The following MMS19 variants were observed in gnomAD, a reference collection of about 807,000 sequenced individuals.
MMS19 encodes MMS19 nucleotide excision repair protein homolog.
MMS19 carries 77 observed loss-of-function variants against 129.8 expected under a neutral mutation model. That is an observed-to-expected ratio of 0.59 (90% CI 0.49 to 0.72). The LOEUF is 0.72. Among genes scored for constraint, MMS19 ranks in the 30% least tolerant of loss-of-function variants. The probability of loss-of-function intolerance (pLI) is 0.00; values close to 1 mark genes in which losing one functional copy is unlikely to be tolerated. For synonymous variants in MMS19, 491 were observed against 502.8 expected (o/e 0.98, Z 0.31); for missense variants, 1,168 against 1,266.3 (o/e 0.92, Z 1.18).
intron 2 of MMS19, among the ~76,000 whole-genome samples, chr10:97,483,449 CTT>C (rs1470074535): frequency 6.6e-6 from 1 of 152,106 alleles, no homozygotes; most frequent in Non-Finnish European, 1.5e-5. Flanking sequence ...GTAACAGTGA[CTT>C]TGTTTTTTAA....
intron 2 of MMS19, among the ~76,000 whole-genome samples, chr10:97,482,749 C>T (rs1169008138): frequency 6.7e-6 from 1 of 149,440 alleles, no homozygotes; most frequent in Non-Finnish European, 1.5e-5. Context: ...CACACACACA[C>T]ACACACACAC....
Position 97,458,445 on chromosome 10 carries a change from G to C in MMS19, c.*247C>G, listed in dbSNP as rs928206396. ...ATCGCCCCTTTTCTGACATATAAAT[G>C]CAAGAGACCCAGGACCCTAGATCTT... On this transcript the variant is annotated 3_prime_UTR_variant, in exon 31 of 31. Coordinates refer to ENST00000438925, the MANE Select transcript of MMS19 (RefSeq NM_022362.5). 2.0e-6 allele frequency: 1 copy of C among 505,314 alleles called. No homozygotes were observed. Among genetic ancestry groups the C allele is most frequent in the Non-Finnish European group, 3.5e-6 (1 of 286,436 alleles). The allele number at this position is 505,314 out of a possible 1,614,324, so 31.3% of individuals were successfully genotyped here.
chr10:97,484,173 A>AAT, intron 1 of MMS19, 22 bp from the exon 2 acceptor site: 1 of 1,429,434 alleles, frequency 7.0e-7, no homozygotes, highest in Non-Finnish European at 9.4e-7. Context: ...AAAATAAATA[A>AAT]ATATGAAAAA....
intron 9 of MMS19, 149 bp from the exon 10 acceptor site, chr10:97,470,352 T>C (rs769125915): frequency 3.1e-6 from 2 of 655,082 alleles, no homozygotes; most frequent in Non-Finnish European, 5.5e-6. Flanking sequence ...AAGCTAACCT[T>C]CCTGCCAAGC....
chr10:97,490,884 GA>G (rs1033377009), intron 1 of MMS19, among the ~76,000 whole-genome samples: 1 of 152,182 alleles, frequency 6.6e-6, no homozygotes, highest in African/African-American at 2.4e-5. Context: ...CAGCTCCTGA[GA>G]AAGAGCCAAG....
intron 1 of MMS19, among the ~76,000 whole-genome samples, chr10:97,491,313 A>G (rs2038842304): frequency 6.6e-6 from 1 of 152,242 alleles, no homozygotes; most frequent in Non-Finnish European, 1.5e-5. Flanking sequence ...GAAGGCTCTA[A>G]GACAAGAAGT....
Position 97,459,520 on chromosome 10 carries a change from A to G in MMS19, c.2746T>C (p.Ser916Pro), listed in dbSNP as rs776688898. The change falls in exon 28 of 31, where the codon TCC becomes CCC. Residue 916 changes from serine to proline, a missense_variant. By Grantham distance (74) the Ser-to-Pro change is moderately conservative (BLOSUM62 -1). Transcript: ENST00000438925. ...CAGGACAGGGCCTCCAGCAGCAAGG[A>G]AAGAAGCTAAGGGGCAATGGGCAAG... ...VLLPELPTLL[S>P]LLLEALSCPD... The G allele has an allele frequency of 1.2e-5, 19 of 1,612,370 alleles. No homozygotes were observed. The highest frequency in any genetic ancestry group is 1.6e-5 in the Non-Finnish European group (19 of 1,178,924).
intron 11 of MMS19, 100 bp downstream of exon 11, chr10:97,469,546 G>A (rs29001307): frequency 1.2e-4 from 112 of 932,922 alleles, no homozygotes; most frequent in Non-Finnish European, 1.7e-4. Flanking sequence ...TTATATCTTG[G>A]CCCTGGGGAT....
In MMS19 at chr10:97,461,636, G is replaced by A. The variant is rs770051647; in HGVS notation, c.2185-14C>T. 1 of 1,595,374 alleles carries A rather than the reference G, an allele frequency of 6.3e-7. No individual in the cohort carries two copies. The highest frequency in any genetic ancestry group is 8.5e-7 in the Non-Finnish European group (1 of 1,170,940). Reference sequence around the variant, plus strand: ...AGGGATTTCCACCTACAGAAAACCTGGCCATGTAATGGACCCAGAGAACAC... The same window carrying A: ...AGGGATTTCCACCTACAGAAAACCTAGCCATGTAATGGACCCAGAGAACAC... On this transcript the variant is annotated splice_polypyrimidine_tract_variant and intron_variant, in intron 22 of 30. Transcript: ENST00000438925.
At position 97,466,052 on chromosome 10, in the gene MMS19, C is replaced by G. The variant is rs549622478; in HGVS notation, c.1606+7G>C. The G allele has an allele frequency of 1.4e-5, 23 of 1,613,708 alleles. No homozygotes were observed. The Middle Eastern group carries it at 4.9e-4, about 35-fold the overall frequency. ...GGGATGGGCCACAGAGGATTAGAGA[C>G]ACATACCTACACGCAGCTCCTCAGC... On this transcript the variant is annotated splice_region_variant and intron_variant, in intron 17 of 30. Coordinates refer to ENST00000438925, the MANE Select transcript of MMS19 (RefSeq NM_022362.5).
At chr10:97,464,464 C>G in intron 18 of MMS19, among the ~76,000 whole-genome samples, 1 of 152,172 alleles carries the variant, frequency 6.6e-6, no homozygotes, top group East Asian at 1.9e-4. Context: ...ACAGGGCAGG[C>G]TGCTGTCACT....
intron 21 of MMS19, 39 bp from the exon 22 acceptor site, chr10:97,461,935 T>A (rs765787709): frequency 1.3e-6 from 2 of 1,579,026 alleles, no homozygotes; most frequent in South Asian, 1.2e-5. Context: ...CTGCCAGCAA[T>A]AAGCTTGTCT....
intron 1 of MMS19, among the ~76,000 whole-genome samples, chr10:97,486,865 A>G (rs1377542812): frequency 2.0e-5 from 1 of 50,304 alleles, no homozygotes; most frequent in Non-Finnish European, 4.0e-5. Flanking sequence ...AAAGTGCCAT[A>G]TATATATATA....
At position 97,498,291 on chromosome 10, in the gene MMS19, C is replaced by G; in HGVS notation, c.94G>C (p.Ala32Pro). ...GCCGTACCTGCAGCCACCTGGTCAG[C>G]GGGGCCCTCTTGCTGACCCACGACG... ...DFVVGQQEGPADQVAADVKSG... is the reference protein window; with the variant it reads ...DFVVGQQEGPPDQVAADVKSG... The change falls in exon 1 of 31, where the codon GCT (alanine) becomes CCT (proline). Residue 32 changes from alanine (A) to proline (P), a missense_variant. Physicochemically the swap from Ala to Pro is conservative, Grantham distance 27. Transcript: ENST00000438925. 3 of 1,569,186 alleles carry G rather than the reference C, an allele frequency of 1.9e-6. No individual in the cohort carries two copies. Among genetic ancestry groups the G allele is most frequent in the Non-Finnish European group, 2.6e-6 (3 of 1,164,674 alleles).
intron 1 of MMS19, among the ~76,000 whole-genome samples, chr10:97,486,910 A>G (rs1210306492): frequency 9.1e-6 from 1 of 109,998 alleles, no homozygotes; most frequent in African/African-American, 3.0e-5. Context: ...TAAGACAGGC[A>G]AGTTGTGAAA....
At chr10:97,480,698 G>GCCACC (rs2036634551) in intron 3 of MMS19, among the ~76,000 whole-genome samples, 1 of 152,138 alleles carries the variant, frequency 6.6e-6, no homozygotes, top group African/African-American at 2.4e-5. Context: ...TCCTGCCTCA[G>GCCACC]CCACCCAAGT....
At chr10:97,487,321 T>TTC (rs1445864744) in intron 1 of MMS19, among the ~76,000 whole-genome samples, 10 of 77,890 alleles carry the variant, frequency 1.3e-4, no homozygotes, top group African/African-American at 2.0e-4. Flanking sequence ...AAAATTTCTT[T>TTC]TTTTTTTTTT....
chr10:97,498,495 G>T (rs945077279), upstream of MMS19: 8 of 1,467,460 alleles, frequency 5.5e-6, no homozygotes, highest in Non-Finnish European at 6.4e-6. Flanking sequence ...GCGGGGCGCC[G>T]GGGTCACGTG....
chr10:97,461,037 AAGGC>A, intron 23 of MMS19, 30 bp from the exon 24 acceptor site: 1 of 1,492,848 alleles, frequency 6.7e-7, no homozygotes, highest in Non-Finnish European at 9.1e-7. Flanking sequence ...TGCTGACATA[AAGGC>A]TACACATTTT....
Sources: gnomAD v4.1 joint callset for allele counts (sites outside exome capture counted in the v4.1 genomes callset) on GRCh38, gnomAD v4.1.1 for gene constraint, MANE v1.5 for transcripts, NCBI Gene and HGNC (gene_info 2026-07-23, HGNC 2026-07-21) for gene names.